EFCAB11: variants seen among roughly 807,000 people sequenced by gnomAD.
EFCAB11 encodes EF-hand calcium binding domain 11.
In EFCAB11, 14 loss-of-function variants were observed where a neutral mutation model predicts 23.0. The observed-to-expected ratio is 0.61, with a 90% CI of 0.40 to 0.95. EFCAB11 has a LOEUF of 0.95. Ranked by LOEUF, EFCAB11 falls within the 40% of genes least tolerant of loss-of-function variation. The pLI, the probability that EFCAB11 is intolerant of heterozygous loss-of-function variation, is 0.00. For synonymous variants in EFCAB11, 65 were observed against 66.6 expected, an observed-to-expected ratio of 0.98 and a Z score of 0.11; for missense variants, 198 against 195.8, an observed-to-expected ratio of 1.01 and a Z score of -0.07.
chr14:89,950,378 T>C (rs781266073), intron 2 of EFCAB11, among the ~76,000 whole-genome samples: 1 of 152,066 alleles, frequency 6.6e-6, no homozygotes, highest in Non-Finnish European at 1.5e-5. Context: ...CTTTATTCCA[T>C]TGACCAAAAC....
rs563667269 is a variant in EFCAB11, at chr14:89,922,739, T to C, written c.410+8802A>G. ...GAGTGTGATGATGAATACCCTACTA[T>C]GCCTTCTCACGTTTAGCTTCCATTC... On this transcript the variant is annotated intron_variant, in intron 5 of 5. Coordinates refer to ENST00000316738, the MANE Select transcript of EFCAB11 (RefSeq NM_145231.4). Among the ~76,000 whole-genome samples, 5 of 152,328 alleles carry C rather than the reference T, an allele frequency of 3.3e-5. No homozygotes were observed. In the East Asian group the frequency reaches 5.8e-4, roughly 18 times the overall value.
intron 5 of EFCAB11, among the ~76,000 whole-genome samples, chr14:89,844,367 A>G (rs1410946080): frequency 2.0e-5 from 3 of 152,222 alleles, no homozygotes; most frequent in Non-Finnish European, 4.4e-5. Context: ...TACTGTCTTC[A>G]TGCTAAAATT....
intron 5 of EFCAB11, among the ~76,000 whole-genome samples, chr14:89,909,861 C>G (rs1889616040): frequency 6.6e-6 from 1 of 152,212 alleles, no homozygotes; most frequent in Non-Finnish European, 1.5e-5. Flanking sequence ...GCCCTCCCTC[C>G]TTCCCTGGCT....
chr14:89,931,645 A>G lies in EFCAB11; in HGVS notation c.320-14T>C. ...AAAATCCACGATCTATTTGAAAACA[A>G]TAAAAAATATTCACTTACTTTAATA... On this transcript the variant is annotated splice_polypyrimidine_tract_variant and intron_variant, in intron 4 of 5. Transcript: ENST00000316738. 6.2e-7 allele frequency: 1 copy of G among 1,607,896 alleles called. No homozygotes were observed. The highest frequency in any genetic ancestry group is 8.5e-7 in the Non-Finnish European group (1 of 1,175,096).
chr14:89,832,173 C>T (rs764858645), intron 5 of EFCAB11, among the ~76,000 whole-genome samples: 4 of 152,060 alleles, frequency 2.6e-5, no homozygotes, highest in East Asian at 3.9e-4. Flanking sequence ...ATTAGCCAGA[C>T]GTGGTGGCCG....
At chr14:89,837,202 C>T in intron 5 of EFCAB11, 1 of 444,808 alleles carries the variant, frequency 2.2e-6, no homozygotes, top group Non-Finnish European at 4.5e-6. Context: ...AAGCCTTATA[C>T]TATTTATTCT....
chr14:89,883,083 G>C (rs1888652215), intron 5 of EFCAB11, among the ~76,000 whole-genome samples: 1 of 151,954 alleles, frequency 6.6e-6, no homozygotes, highest in Non-Finnish European at 1.5e-5. Context: ...GAAATCTGAG[G>C]CCTCACCAGA....
chr14:89,947,622 T>C (rs1317672906), intron 3 of EFCAB11, among the ~76,000 whole-genome samples: 1 of 152,182 alleles, frequency 6.6e-6, no homozygotes, highest in Non-Finnish European at 1.5e-5. Flanking sequence ...TCAGGAGCAT[T>C]TGATAGTGCT....
At chr14:89,835,908 G>A (rs562643967) in intron 5 of EFCAB11, among the ~76,000 whole-genome samples, 8 of 151,286 alleles carry the variant, frequency 5.3e-5, no homozygotes, top group East Asian at 1.9e-4. Flanking sequence ...GATTACAGGC[G>A]TGAGCCACTG....
At chr14:89,945,982 A>C (rs1596470704) in intron 3 of EFCAB11, among the ~76,000 whole-genome samples, 1 of 149,804 alleles carries the variant, frequency 6.7e-6, no homozygotes, top group Non-Finnish European at 1.5e-5. Context: ...GCCGTGATGC[A>C]ATCTGGGCTC....
At chr14:89,918,000 G>A (rs1026035292) in intron 5 of EFCAB11, among the ~76,000 whole-genome samples, 3 of 152,126 alleles carry the variant, frequency 2.0e-5, no homozygotes, top group African/African-American at 7.2e-5. Flanking sequence ...GGGTGTGAAT[G>A]CTGTGAGAAG....
intron 3 of EFCAB11, among the ~76,000 whole-genome samples, chr14:89,942,855 C>T (rs1226561796): frequency 6.6e-6 from 1 of 152,218 alleles, no homozygotes; most frequent in Admixed American, 6.5e-5. Context: ...ACTTTTCACT[C>T]TTCTTAATTT....
At chr14:89,934,625 T>C (rs556750967) in intron 3 of EFCAB11, among the ~76,000 whole-genome samples, 2 of 150,830 alleles carry the variant, frequency 1.3e-5, no homozygotes, top group Admixed American at 1.3e-4. Context: ...TCATACGTAC[T>C]GTAGCAAATT....
At chr14:89,894,867 T>C (rs920217551) in intron 5 of EFCAB11, among the ~76,000 whole-genome samples, 4 of 152,174 alleles carry the variant, frequency 2.6e-5, no homozygotes, top group African/African-American at 9.7e-5. Flanking sequence ...AAAGCTACTA[T>C]TTACAATAGC....
chr14:89,912,888 C>T (rs977751506), intron 5 of EFCAB11, among the ~76,000 whole-genome samples: 5 of 152,162 alleles, frequency 3.3e-5, no homozygotes, highest in African/African-American at 1.2e-4. Context: ...CTGCAGTACA[C>T]GTCTATAAAT....
rs185922497 is a variant in EFCAB11, at chr14:89,840,184, G to A, written c.411-42860C>T. 2.6e-5 allele frequency among the ~76,000 whole-genome samples: 4 copies of A among 152,282 alleles called. No individual in the cohort carries two copies. The East Asian group carries it at 7.7e-4, about 29-fold the overall frequency. On this transcript the variant is annotated intron_variant, in intron 5 of 5. Coordinates refer to ENST00000316738, the MANE Select transcript of EFCAB11 (RefSeq NM_145231.4). The stretch of plus-strand genomic sequence containing the variant: ...TCAATATGAGAAATCTAGAAAAACT[G>A]CAATATGACATTAAAGCATGTTTCT...
chr14:89,898,623 C>T (rs1876139457), intron 5 of EFCAB11, among the ~76,000 whole-genome samples: 1 of 150,958 alleles, frequency 6.6e-6, no homozygotes, highest in Non-Finnish European at 1.5e-5. Context: ...CCTTGGCCTC[C>T]CAAAGTGCTG....
At chr14:89,909,679 C>T (rs1195209722) in intron 5 of EFCAB11, among the ~76,000 whole-genome samples, 1 of 152,140 alleles carries the variant, frequency 6.6e-6, no homozygotes. Context: ...CTTACAAGAC[C>T]CTCATCACCT....
chr14:89,799,756 G>C (rs1885708235), intron 5 of EFCAB11, among the ~76,000 whole-genome samples: 1 of 151,982 alleles, frequency 6.6e-6, no homozygotes, highest in Non-Finnish European at 1.5e-5. Context: ...AGCAGAGGAT[G>C]AATGTCGAAT....
Sources: gnomAD v4.1 joint callset for allele counts (sites outside exome capture counted in the v4.1 genomes callset) on GRCh38, gnomAD v4.1.1 for gene constraint, MANE v1.5 for transcripts, NCBI Gene and HGNC (gene_info 2026-07-23, HGNC 2026-07-21) for gene names.